Variants in LRRC7 observed in about 807,000 individuals in gnomAD.
LRRC7 encodes leucine-rich repeat-containing protein 7.
A neutral mutation model predicts 175.7 loss-of-function variants in LRRC7; 23 were observed. The ratio of observed to expected loss-of-function variants is 0.13; its 90% confidence interval spans 0.09 to 0.19. The LOEUF (loss-of-function observed/expected upper bound fraction) is 0.19. Among genes scored for constraint, LRRC7 ranks in the 10% least tolerant of loss-of-function variants. The pLI is 1.00. For missense variants in LRRC7, 1,354 were observed against 1,904.7 expected (o/e 0.71, Z 5.38); for synonymous variants, 685 against 680.9 (o/e 1.01, Z -0.09).
intron 3 of LRRC7, among the ~76,000 whole-genome samples, chr1:69,771,195 C>T (rs1343465331): frequency 1.3e-5 from 2 of 151,866 alleles, no homozygotes; most frequent in African/African-American, 2.4e-5. Flanking sequence ...AAATGAATGC[C>T]ATTATTTCTT....
chr1:69,629,516 G>T (rs1014171796), intron 1 of LRRC7, among the ~76,000 whole-genome samples: 1 of 152,020 alleles, frequency 6.6e-6, no homozygotes, highest in Non-Finnish European at 1.5e-5. Flanking sequence ...CAACCTGCAC[G>T]TCTCCAAGCT....
At position 69,712,129 on chromosome 1, in the gene LRRC7, T is replaced by C. The variant is rs1176613224; in HGVS notation, c.100+33651T>C. Among the ~76,000 whole-genome samples the C allele has an allele frequency of 3.3e-5, 5 of 152,086 alleles. No homozygotes were observed. In the East Asian group the frequency reaches 7.7e-4, roughly 24 times the overall value. ...GGCTTTCAAACAATACTTTCATATA[T>C]AAGTTATCTCATAAAGTCGTTTAAA... On this transcript the variant is annotated intron_variant, in intron 2 of 26. Transcript: ENST00000651989.
intron 7 of LRRC7, among the ~76,000 whole-genome samples, chr1:69,918,315 G>A (rs982080578): frequency 6.6e-6 from 1 of 152,164 alleles, no homozygotes; most frequent in Non-Finnish European, 1.5e-5. Context: ...CAGGGCGCCT[G>A]CCACAAAGAA....
At chr1:69,708,635 G>A (rs747308393) in intron 2 of LRRC7, among the ~76,000 whole-genome samples, 1 of 152,132 alleles carries the variant, frequency 6.6e-6, no homozygotes, top group Admixed American at 6.6e-5. Flanking sequence ...GCATTGGTTG[G>A]GGGCCTGATG....
At chr1:69,998,323 C>T (rs1655203800) in intron 11 of LRRC7, among the ~76,000 whole-genome samples, 1 of 152,090 alleles carries the variant, frequency 6.6e-6, no homozygotes, top group Admixed American at 6.6e-5. Flanking sequence ...AGCATATAGC[C>T]CCTCATCTAG....
intron 3 of LRRC7, among the ~76,000 whole-genome samples, chr1:69,768,856 T>C (rs545901503): frequency 6.6e-6 from 1 of 152,312 alleles, no homozygotes; most frequent in African/African-American, 2.4e-5. Context: ...AGTACTTTTA[T>C]CCATATAAAT....
At chr1:70,108,959 G>T (rs768296001) in intron 26 of LRRC7, among the ~76,000 whole-genome samples, 3 of 151,950 alleles carry the variant, frequency 2.0e-5, no homozygotes, top group South Asian at 2.1e-4. Flanking sequence ...ATGTTTTTTG[G>T]TTTTTTTGTT....
intron 1 of LRRC7, among the ~76,000 whole-genome samples, chr1:69,662,249 A>C (rs1570238189): frequency 6.7e-6 from 1 of 148,902 alleles, no homozygotes; most frequent in African/African-American, 2.4e-5. Flanking sequence ...ATTTATTGCT[A>C]AAACCATTCA....
chr1:69,697,153 C>T (rs1428867034), intron 2 of LRRC7, among the ~76,000 whole-genome samples: 1 of 152,148 alleles, frequency 6.6e-6, no homozygotes, highest in South Asian at 2.1e-4. Flanking sequence ...TCTCTCTTTT[C>T]CTCCAAAGTA....
intron 1 of LRRC7, among the ~76,000 whole-genome samples, chr1:69,585,041 C>G (rs1334470971): frequency 6.6e-6 from 1 of 152,154 alleles, no homozygotes; most frequent in East Asian, 1.9e-4. Context: ...AATGTTCCAT[C>G]CATGTTCATT....
chr1:69,834,688 T>C (rs1407985839), intron 5 of LRRC7, 92 bp from the exon 6 acceptor site: 11 of 939,626 alleles, frequency 1.2e-5, no homozygotes, highest in Non-Finnish European at 1.9e-5. Context: ...ATGTATTACA[T>C]TTCTATTTTT....
chr1:69,950,234 T>C (rs1464505738), intron 8 of LRRC7, among the ~76,000 whole-genome samples: 8 of 152,044 alleles, frequency 5.3e-5, no homozygotes, highest in Non-Finnish European at 4.4e-5. Context: ...TATGGATGGA[T>C]GGATGGATGG....
intron 7 of LRRC7, among the ~76,000 whole-genome samples, chr1:69,922,721 C>G (rs1646929113): frequency 6.6e-6 from 1 of 152,106 alleles, no homozygotes; most frequent in African/African-American, 2.4e-5. Flanking sequence ...ATTAAGTGGT[C>G]AGTTCTCAGA....
At chr1:69,639,258 C>T (rs1653842891) in intron 1 of LRRC7, among the ~76,000 whole-genome samples, 1 of 151,704 alleles carries the variant, frequency 6.6e-6, no homozygotes, top group South Asian at 2.1e-4. Flanking sequence ...GTTTCAGCCA[C>T]AATAACCAAA....
intron 1 of LRRC7, among the ~76,000 whole-genome samples, chr1:69,637,924 AC>A (rs1653650294): frequency 6.6e-6 from 1 of 151,874 alleles, no homozygotes; most frequent in Admixed American, 6.6e-5. Flanking sequence ...GAAAGGTGAC[AC>A]ATTTTTAGGG....
In LRRC7 at chr1:70,140,170, T is replaced by C. The variant is rs971984320; in HGVS notation, c.*18283T>C. The C allele has an allele frequency of 3.0e-4, 45 of 152,274 alleles. No homozygotes were observed. Among genetic ancestry groups the C allele is most frequent in the Middle Eastern group, 3.4e-3 (1 of 294 alleles). 9.4% of individuals were successfully genotyped at this position (152,274 alleles called of 1,614,324 possible). A position where few individuals can be genotyped will look rare whatever the true frequency, so the allele number is the denominator to read the frequency against. ...TGAAAAGAAAATTGTTACATCAGGC[T>C]GCTTTTATCAAGCTAAGCATGGGCA... On this transcript the variant is annotated 3_prime_UTR_variant, in exon 27 of 27. Coordinates refer to ENST00000651989, the MANE Select transcript of LRRC7 (RefSeq NM_001370785.2).
intron 7 of LRRC7, among the ~76,000 whole-genome samples, chr1:69,930,250 A>G (rs1020988859): frequency 5.9e-5 from 9 of 151,922 alleles, no homozygotes; most frequent in African/African-American, 2.2e-4. Context: ...AGCACATAAT[A>G]CTCTCTCAAT....
chr1:70,071,863 A>G (rs753407011), intron 23 of LRRC7, among the ~76,000 whole-genome samples: 12 of 152,214 alleles, frequency 7.9e-5, no homozygotes, highest in Admixed American at 6.5e-5. Flanking sequence ...TTTTTAAAAG[A>G]CCAGTGTAAA....
intron 1 of LRRC7, among the ~76,000 whole-genome samples, chr1:69,660,098 T>A (rs1038997196): frequency 5.9e-5 from 9 of 151,992 alleles, no homozygotes; most frequent in Admixed American, 5.9e-4. Context: ...AAACAACTTA[T>A]TGCCAAAGTA....
Sources: allele counts gnomAD v4.1 joint callset (sites outside exome capture counted in the v4.1 genomes callset), GRCh38; gene constraint gnomAD v4.1.1; transcripts MANE v1.5; gene names NCBI Gene and HGNC (gene_info 2026-07-23, HGNC 2026-07-21).